SRRM1: variants seen among roughly 807,000 people sequenced by gnomAD.
SRRM1 encodes the protein serine and arginine repetitive matrix 1.
In SRRM1, 19 loss-of-function variants were observed where a neutral mutation model predicts 110.2. The observed-to-expected ratio is 0.17, with a 90% CI of 0.12 to 0.25. SRRM1 has a LOEUF of 0.25. Ranked by LOEUF, SRRM1 falls within the 10% of genes least tolerant of loss-of-function variation. SRRM1 has a pLI of 1.00. For synonymous variants in SRRM1, 443 were observed against 414.9 expected (o/e 1.07, Z -0.82); for missense variants, 918 against 1,145.8 (o/e 0.80, Z 2.87).
At chr1:24,659,423 C>T (rs1047974385) in intron 9 of SRRM1, among the ~76,000 whole-genome samples, 32 of 152,158 alleles carry the variant, frequency 2.1e-4, no homozygotes, top group Non-Finnish European at 3.1e-4. Context: ...GCTTTAATCA[C>T]ACAAAACAGG....
At chr1:24,655,207 C>A in intron 9 of SRRM1, 78 bp downstream of exon 9, 1 of 1,460,038 alleles carries the variant, frequency 6.8e-7, no homozygotes, top group Non-Finnish European at 9.5e-7. Flanking sequence ...CCCCTGCTCA[C>A]TCTCAAAGTA....
rs1671504453 is a variant in SRRM1 at position 24,669,139 on chromosome 1, C to G, written c.1756C>G (p.Pro586Ala). ...TTTTCCTAGGACTCCTTCTCCTCCC[C>G]CACGTCGGCGCTCACCTTCTCCTAG... ...PPRRRTPSPP[P>A]RRRSPSPRRY... is the part of the protein sequence containing the mutation. The change falls in exon 14 of 17, where the codon CCA (proline) becomes GCA (alanine). Residue 586 changes from proline (P) to alanine (A), a missense_variant. Around this residue, in one of 5 missense-constraint regions of SRRM1, gnomAD observed 357 missense variants for 402.9 expected, o/e 0.89. Transcript: ENST00000323848. 3.7e-6 allele frequency: 6 copies of G among 1,607,758 alleles called. No individual in the cohort carries two copies. Among genetic ancestry groups the G allele is most frequent in the Non-Finnish European group, 5.1e-6 (6 of 1,174,968 alleles).
At chr1:24,647,336 T>G (rs1485675725) in intron 3 of SRRM1, 1 of 152,648 alleles carries the variant, frequency 6.6e-6, no homozygotes, top group Admixed American at 6.5e-5. Flanking sequence ...ATGTGAAGCA[T>G]GAGGGGCAAT....
chr1:24,669,692 T>C, intron 14 of SRRM1, 105 bp downstream of exon 14: 133 of 756,396 alleles, frequency 1.8e-4, no homozygotes, highest in Non-Finnish European at 2.5e-4. Context: ...GAATATGAGC[T>C]TTTAAGTCAA....
intron 11 of SRRM1, 82 bp from the exon 12 acceptor site, chr1:24,662,578 C>G: frequency 6.9e-7 from 1 of 1,442,334 alleles, no homozygotes; most frequent in South Asian, 1.2e-5. Context: ...CTAGTGAACA[C>G]TCCATCCACC....
intron 6 of SRRM1, 142 bp from the exon 7 acceptor site, chr1:24,652,292 A>C (rs1661423514): frequency 1.7e-6 from 1 of 573,124 alleles, no homozygotes; most frequent in African/African-American, 1.9e-5. Flanking sequence ...AGGTACATAC[A>C]TACTTATGTG....
rs3795296 is a variant in SRRM1 at position 24,669,776 on chromosome 1, C to T, written c.2204+189C>T. 34 of 609,476 alleles carry T rather than the reference C, an allele frequency of 5.6e-5. No homozygotes were observed. In the East Asian group the frequency reaches 9.7e-4, roughly 17 times the overall value. The allele number at this position is 609,476 out of a possible 1,614,324, so 37.8% of individuals were successfully genotyped here. ...TGTGGTATAAGTTAAATGCCACAGG[C>T]TTTTACTTGGTTCTTAGCAGTTATT... is the stretch of plus-strand genomic sequence containing the variant. On this transcript the variant is annotated intron_variant, in intron 14 of 16. Transcript: ENST00000323848.
chr1:24,669,692 T>G, intron 14 of SRRM1, 105 bp downstream of exon 14: 2 of 756,456 alleles, frequency 2.6e-6, no homozygotes, highest in Non-Finnish European at 4.2e-6. Flanking sequence ...GAATATGAGC[T>G]TTTAAGTCAA....
chr1:24,655,923 G>C (rs1663810830), intron 9 of SRRM1, among the ~76,000 whole-genome samples: 1 of 152,108 alleles, frequency 6.6e-6, no homozygotes, highest in Non-Finnish European at 1.5e-5. Context: ...ACACACGCTG[G>C]GGTTATTATG....
chr1:24,669,382 A>G lies in SRRM1; in HGVS notation c.1999A>G (p.Ser667Gly), dbSNP rs565269582. 2.2e-5 allele frequency: 35 copies of G among 1,614,042 alleles called. No homozygotes were observed. The highest frequency in any genetic ancestry group is 3.0e-5 in the Non-Finnish European group (35 of 1,180,034). ...CAAGCATAGGAAAGGGTCTTCCCCA[A>G]GCCGCTCTACCCGGGAGGCCCGATC... ...SSKHRKGSSP[S>G]RSTREARSPQ... is the part of the protein sequence containing the mutation. Residue 667 changes from serine to glycine, a missense_variant, in exon 14 of 17, where the codon AGC becomes GGC. Physicochemically the swap from Ser to Gly is moderately conservative, Grantham distance 56 (BLOSUM62 0). Around this residue, in one of 5 missense-constraint regions of SRRM1, gnomAD observed 357 missense variants for 402.9 expected, o/e 0.89. Transcript: ENST00000323848.
chr1:24,654,480 C>A, intron 8 of SRRM1: 1 of 735,574 alleles, frequency 1.4e-6, no homozygotes, highest in Non-Finnish European at 1.9e-6. Flanking sequence ...GGTTTCTCAA[C>A]ATTGTGTTAT....
intron 3 of SRRM1, 72 bp from the exon 4 acceptor site, chr1:24,648,787 T>A (rs1658920509): frequency 2.1e-6 from 3 of 1,404,162 alleles, no homozygotes; most frequent in Non-Finnish European, 3.0e-6. Context: ...TAAATGAGTT[T>A]TAGGTTGGTT....
At chr1:24,664,711 A>G (rs755463509) in intron 12 of SRRM1, among the ~76,000 whole-genome samples, 82 of 152,244 alleles carry the variant, frequency 5.4e-4, no homozygotes, top group Non-Finnish European at 1.0e-3. Flanking sequence ...AAACTGCTCC[A>G]TGATAATAAA....
intron 6 of SRRM1, among the ~76,000 whole-genome samples, chr1:24,651,936 C>T (rs963972700): frequency 3.4e-5 from 5 of 148,914 alleles, no homozygotes; most frequent in African/African-American, 2.5e-5. Flanking sequence ...CCTGTAATCT[C>T]GGCACTTGGG....
intron 11 of SRRM1, among the ~76,000 whole-genome samples, chr1:24,662,293 C>G (rs1294935133): frequency 6.6e-6 from 1 of 152,116 alleles, no homozygotes; most frequent in Non-Finnish European, 1.5e-5. Context: ...ACTAAAAATA[C>G]AAAGATTAGT....
At chr1:24,671,139 T>TC (rs1230170555) in intron 15 of SRRM1, among the ~76,000 whole-genome samples, 2 of 152,220 alleles carry the variant, frequency 1.3e-5, no homozygotes, top group African/African-American at 4.8e-5. Context: ...CAGAAAGAGT[T>TC]CAACAATTTG....
At chr1:24,645,105 T>G (rs1244312500) in intron 1 of SRRM1, among the ~76,000 whole-genome samples, 1 of 152,232 alleles carries the variant, frequency 6.6e-6, no homozygotes, top group African/African-American at 2.4e-5. Context: ...CCAGATACTT[T>G]ACATATGTTA....
At chr1:24,657,208 G>T (rs1359420978) in intron 9 of SRRM1, among the ~76,000 whole-genome samples, 2 of 152,160 alleles carry the variant, frequency 1.3e-5, no homozygotes, top group African/African-American at 4.8e-5. Context: ...ACCCGGCCCA[G>T]ACAACCTTTT....
At chr1:24,645,254 A>G (rs967465379) in intron 1 of SRRM1, among the ~76,000 whole-genome samples, 2 of 152,134 alleles carry the variant, frequency 1.3e-5, no homozygotes, top group African/African-American at 4.8e-5. Context: ...TTACCTTCTC[A>G]AACAAAATTT....
Sources: allele counts gnomAD v4.1 joint callset (sites outside exome capture counted in the v4.1 genomes callset), GRCh38; gene constraint gnomAD v4.1.1; regional missense constraint gnomAD v4.1.1; transcripts MANE v1.5; gene names NCBI Gene and HGNC (gene_info 2026-07-23, HGNC 2026-07-21).